The following ENTPD2 variants were observed in gnomAD, a reference collection of about 807,000 sequenced individuals.
ENTPD2 encodes CD39 antigen-like 1.
ENTPD2 carries 48 observed loss-of-function variants against 46.8 expected under a neutral mutation model. The ratio of observed to expected loss-of-function variants is 1.03; its 90% CI spans 0.81 to 1.30. ENTPD2 has a LOEUF of 1.30. Among genes scored for constraint, ENTPD2 ranks in the 50% most tolerant of loss-of-function variants. The pLI is 0.00. For missense variants in ENTPD2, 707 were observed against 651.1 expected (o/e 1.09, Z -0.93); for synonymous variants, 316 against 286.1 (o/e 1.10, Z -1.06).
In ENTPD2 at chr9:137,048,667, C is replaced by G; in HGVS notation, c.1478G>C (p.Ser493Thr). 2 of 1,594,080 alleles carry G rather than the reference C, an allele frequency of 1.3e-6. No homozygotes were observed. Among genetic ancestry groups the G allele is most frequent in the South Asian group, 1.1e-5 (1 of 88,442 alleles). ...TGCCCCCGTCGGCCCCTAAATGGTG[C>G]TTGGCAGCTTGGCGGAGTGCACCTG... ...LRQVHSAKLP[S>T]TI Residue 493 changes from serine to threonine, a missense_variant, in exon 9 of 9, where the codon AGC (serine) becomes ACC (threonine). Physicochemically the swap from Ser to Thr is moderately conservative, Grantham distance 58. Transcript: ENST00000355097.
At chr9:137,049,539 C>T (rs763886469) in intron 7 of ENTPD2, 59 of 435,872 alleles carry the variant, frequency 1.4e-4, no homozygotes, top group Non-Finnish European at 2.3e-4. Flanking sequence ...CTCCGGTGGG[C>T]ACACTCCCGG....
rs1728473290 is a variant in ENTPD2, at chr9:137,048,803, T to C, written c.1342A>G (p.Ile448Val). The C allele has an allele frequency of 6.3e-7, 1 of 1,577,758 alleles. No homozygotes were observed. ...CGCAGCCCCGGCGGGTCGGCGGGGA[T>C]CAGGTTGGTCAGGTTCAGCATGTAG... Reference protein sequence around the residue: ...LGYMLNLTNLIPADPPGLRKG... With the variant: ...LGYMLNLTNLVPADPPGLRKG... Residue 448 changes from isoleucine to valine, a missense_variant, in exon 9 of 9, where the codon ATC (isoleucine) becomes GTC (valine). Transcript: ENST00000355097.
chr9:137,052,395 G>A (rs766206680), intron 1 of ENTPD2, 47 bp from the exon 2 acceptor site: 46 of 1,373,552 alleles, frequency 3.3e-5, no homozygotes, highest in Non-Finnish European at 4.3e-5. Flanking sequence ...CGGGGGCCCT[G>A]ACACCCTGAC....
Position 137,049,915 on chromosome 9 carries a change from C to T in ENTPD2, c.1104G>A (p.Gln368=), listed in dbSNP as rs1347019596. The change falls in exon 7 of 9, where the codon CAG becomes CAA. Residue 368 remains glutamine (Q), a synonymous_variant. Transcript: ENST00000355097. The part of the protein sequence containing the change: ...SMGLPVATLQ[Q]LEAAAVNVCN... ...AGACATTCACTGCGGCTGCCTCCAG[C>T]TGCTGCAGGGTGGCCACGGGCAGCC... 6.2e-7 allele frequency: 1 copy of T among 1,612,402 alleles called. No individual in the cohort carries two copies. Among genetic ancestry groups the T allele is most frequent in the Non-Finnish European group, 8.5e-7 (1 of 1,179,836 alleles).
Position 137,054,046 on chromosome 9 carries a change from G to A in ENTPD2, c.-49C>T, listed in dbSNP as rs922139653. 7.8e-4 allele frequency: 901 copies of A among 1,161,078 alleles called. No homozygotes were observed. The highest frequency in any genetic ancestry group is 9.2e-4 in the Non-Finnish European group (856 of 932,698). 71.9% of individuals were successfully genotyped at this position (1,161,078 alleles called of 1,614,324 possible). On this transcript the variant is annotated 5_prime_UTR_variant, in exon 1 of 9. Transcript: ENST00000355097. ...CGATGCGTGGACCCGGAGAGTGCGG[G>A]GAGCCGGAGGCGGAGGCGGGCGGGG... is the stretch of plus-strand genomic sequence containing the variant.
At position 137,049,092 on chromosome 9, in the gene ENTPD2, A is replaced by T. The variant is rs778301758; in HGVS notation, c.1150-17T>A. On this transcript the variant is annotated splice_polypyrimidine_tract_variant and intron_variant, in intron 7 of 8. Transcript: ENST00000355097. ...AGCTTGCAGCTGGGACGCGGGCGGG[A>T]CACCGTCAGGCAGGCGACCACCAGG... The T allele has an allele frequency of 6.5e-7, 1 of 1,529,866 alleles. No individual in the cohort carries two copies. Among genetic ancestry groups the T allele is most frequent in the Non-Finnish European group, 8.7e-7 (1 of 1,143,816 alleles). 94.8% of individuals were successfully genotyped at this position (1,529,866 alleles called of 1,614,324 possible).
rs1043872286 is a variant in ENTPD2, at chr9:137,050,687, C to T, written c.775-149G>A. ...CCACTGCCTGCTTGACAGATCCCAA[C>T]GCCCCTGACCAGGCTCCCTCTGAGA... On this transcript the variant is annotated intron_variant, in intron 5 of 8. Coordinates refer to ENST00000355097, the MANE Select transcript of ENTPD2 (RefSeq NM_203468.3). 50 of 1,354,454 alleles carry T rather than the reference C, an allele frequency of 3.7e-5. No homozygotes were observed. The Admixed American group carries it at 4.4e-4, about 12-fold the overall frequency. The allele number at this position is 1,354,454 out of a possible 1,614,324, so 83.9% of individuals were successfully genotyped here.
Position 137,049,856 on chromosome 9 carries a change from G to A in ENTPD2, c.1149+14C>T. 1 of 1,606,098 alleles carries A rather than the reference G, an allele frequency of 6.2e-7. No homozygotes were observed. Among genetic ancestry groups the A allele is most frequent in the Non-Finnish European group, 8.5e-7 (1 of 1,176,656 alleles). ...CCTTCCGCACAGCCCTGAAGGAGTG[G>A]GAGCGGGGCTCACCTGAGCCCAGGT... On this transcript the variant is annotated intron_variant, in intron 7 of 8. Coordinates refer to ENST00000355097, the MANE Select transcript of ENTPD2 (RefSeq NM_203468.3).
Position 137,053,921 on chromosome 9 carries a change from C to CACA in ENTPD2, c.74_76dup (p.Leu25dup). ...CTCCCGGACGTCGCGGGTGGGGACG[C>CACA]ACAGCAGTAGGAGGCCGGCGAGGCC... On this transcript the variant is annotated inframe_insertion, in exon 1 of 9. Coordinates refer to ENST00000355097, the MANE Select transcript of ENTPD2 (RefSeq NM_203468.3). The CACA allele has an allele frequency of 8.2e-7, 1 of 1,225,770 alleles. No individual in the cohort carries two copies. Among genetic ancestry groups the CACA allele is most frequent in the East Asian group, 3.2e-5 (1 of 31,168 alleles). 75.9% of individuals were successfully genotyped at this position (1,225,770 alleles called of 1,614,324 possible). A position where few individuals can be genotyped will look rare whatever the true frequency, so the allele number is the denominator to read the frequency against.
intron 7 of ENTPD2, 74 bp from the exon 8 acceptor site, chr9:137,049,149 C>T (rs1564251058): frequency 1.6e-5 from 25 of 1,532,442 alleles, no homozygotes; most frequent in East Asian, 2.5e-5. Context: ...AGGGGGCCGG[C>T]GGCGTGCTTC....
Position 137,050,420 on chromosome 9 carries a change from C to T in ENTPD2, c.893G>A (p.Arg298Lys). 1 of 1,612,998 alleles carries T rather than the reference C, an allele frequency of 6.2e-7. No homozygotes were observed. The highest frequency in any genetic ancestry group is 8.5e-7 in the Non-Finnish European group (1 of 1,180,006). Reference protein sequence around the residue: ...QRPQNFNSSARVSLSGSSDPH... With the variant: ...QRPQNFNSSAKVSLSGSSDPH... ...GTCACTGCTCCCTGACAGGCTGACCCTGGCACTGCTGTTGAAGTTCTGGGG... is the reference window on the plus strand; with the variant it reads ...GTCACTGCTCCCTGACAGGCTGACCTTGGCACTGCTGTTGAAGTTCTGGGG... The change falls in exon 6 of 9, where the codon AGG becomes AAG. Residue 298 changes from arginine to lysine, a missense_variant. Arg to Lys is a conservative substitution (Grantham distance 26). Coordinates refer to ENST00000355097, the MANE Select transcript of ENTPD2 (RefSeq NM_203468.3).
chr9:137,048,995 ACT>A lies in ENTPD2; in HGVS notation c.1228_1229del (p.Gly412LeufsTer226). On this transcript the variant is annotated frameshift_variant, in exon 8 of 9. Transcript: ENST00000355097. LOFTEE classifies it high-confidence loss of function. ...CGCGCTCGTCGAAGCCGTAGCCGCG[ACT>A]CAGCAGCTGCTGCACGAACATGGCC... ...AGAMFVQQLLSRGYGFDERAF... is the reference protein window; with the variant it reads ...AGAMFVQQLLXRGYGFDERAF... 1 of 1,534,384 alleles carries A rather than the reference ACT, an allele frequency of 6.5e-7. No homozygotes were observed. Among genetic ancestry groups the A allele is most frequent in the Non-Finnish European group, 8.7e-7 (1 of 1,143,804 alleles).
In ENTPD2 at chr9:137,048,451, A is replaced by C; in HGVS notation, c.*206T>G. 1 of 496,526 alleles carries C rather than the reference A, an allele frequency of 2.0e-6. No homozygotes were observed. The highest frequency in any genetic ancestry group is 3.5e-6 in the Non-Finnish European group (1 of 282,388). 30.8% of individuals were successfully genotyped at this position (496,526 alleles called of 1,614,324 possible). On this transcript the variant is annotated 3_prime_UTR_variant, in exon 9 of 9. Transcript: ENST00000355097. ...CGCTGAGGGTGGGGTGGAAGGATGGAGAAGACAGTGGTGGGGTGGAGCGGT... is the reference window on the plus strand; with the variant it reads ...CGCTGAGGGTGGGGTGGAAGGATGGCGAAGACAGTGGTGGGGTGGAGCGGT...
intron 2 of ENTPD2, 65 bp from the exon 3 acceptor site, chr9:137,051,725 G>A (rs545788215): frequency 2.3e-4 from 346 of 1,511,256 alleles, no homozygotes; most frequent in Non-Finnish European, 2.9e-4. Context: ...CGTAGGCCAG[G>A]AGAGTGAGGG....
At chr9:137,048,890 G>C in intron 8 of ENTPD2, 30 bp from the exon 9 acceptor site, 4 of 1,504,122 alleles carry the variant, frequency 2.7e-6, no homozygotes, top group Admixed American at 2.2e-5. Context: ...CTCAGCTCCC[G>C]AGAGGCCCCG....
chr9:137,050,842 G>A, intron 5 of ENTPD2, 60 bp downstream of exon 5: 1 of 1,561,044 alleles, frequency 6.4e-7, no homozygotes, highest in Non-Finnish European at 8.7e-7. Flanking sequence ...CACAGTGGCT[G>A]TCCAGGCTCT....
rs1418777686 is a variant in ENTPD2, at chr9:137,048,945, T to C, written c.1280A>G (p.Lys427Arg). The change falls in exon 8 of 9, where the codon AAG (lysine) becomes AGG (arginine). Residue 427 changes from lysine to arginine, a missense_variant. Transcript: ENST00000355097. ...ERAFGGVIFQ[K>R]KAADTAVGWA... ...CCCCGCCCCGCCCCAGCCCACCTTC[T>C]TCTGGAAGATCACGCCGCCGAAGGC... 7.1e-7 allele frequency: 1 copy of C among 1,402,816 alleles called. No individual in the cohort carries two copies. Among genetic ancestry groups the C allele is most frequent in the Admixed American group, 2.1e-5 (1 of 47,404 alleles). 86.9% of individuals were successfully genotyped at this position (1,402,816 alleles called of 1,614,324 possible).
At chr9:137,053,721 A>T (rs1832346380) in intron 1 of ENTPD2, among the ~76,000 whole-genome samples, 160 bp downstream of exon 1, 1 of 151,896 alleles carries the variant, frequency 6.6e-6, no homozygotes. Flanking sequence ...CCGGTCGGGG[A>T]GCGCAGAGCG....
At chr9:137,049,307 G>T in intron 7 of ENTPD2, 1 of 753,394 alleles carries the variant, frequency 1.3e-6, no homozygotes, top group Non-Finnish European at 2.3e-6. Context: ...GAAGGCCAGT[G>T]AGGAGGGACA....
Sources: gnomAD v4.1 joint callset for allele counts (sites outside exome capture counted in the v4.1 genomes callset) on GRCh38, gnomAD v4.1.1 for gene constraint, MANE v1.5 for transcripts, NCBI Gene and HGNC (gene_info 2026-07-23, HGNC 2026-07-21) for gene names.